The following EYA1 variants were observed in gnomAD, a reference collection of about 807,000 sequenced individuals.
EYA1 encodes the protein protein phosphatase EYA1.
A neutral mutation model predicts 82.0 loss-of-function variants in EYA1; 16 were observed. That is an observed-to-expected ratio of 0.20 (90% CI 0.13 to 0.30). The LOEUF (loss-of-function observed/expected upper bound fraction) is 0.30. Among genes scored for constraint, EYA1 ranks in the 10% least tolerant of loss-of-function variants. The pLI is 1.00. For synonymous variants in EYA1, 261 were observed against 264.4 expected (o/e 0.99, Z 0.12); for missense variants, 633 against 730.7 (o/e 0.87, Z 1.54).
At chr8:71,235,654 A>C (rs1403011317) in intron 12 of EYA1, among the ~76,000 whole-genome samples, 1 of 152,154 alleles carries the variant, frequency 6.6e-6, no homozygotes, top group African/African-American at 2.4e-5. Context: ...TAACTCCATA[A>C]GGAGAATGTC....
chr8:71,201,551 ATGT>A (rs1807018796), intron 17 of EYA1, among the ~76,000 whole-genome samples: 1 of 152,194 alleles, frequency 6.6e-6, no homozygotes, highest in Admixed American at 6.5e-5. Context: ...ACAGAAATTC[ATGT>A]TGTAAAATAT....
chr8:71,524,660 A>G (rs1043172011), intron 2 of EYA1, among the ~76,000 whole-genome samples: 16 of 152,222 alleles, frequency 1.1e-4, no homozygotes, highest in South Asian at 2.1e-4. Context: ...ATAAATTACC[A>G]TGAATTCTGG....
intron 2 of EYA1, among the ~76,000 whole-genome samples, chr8:71,387,356 G>A (rs1267021806): frequency 6.6e-6 from 1 of 152,156 alleles, no homozygotes; most frequent in African/African-American, 2.4e-5. Flanking sequence ...TTTAAGAGGA[G>A]AAGTAACATG....
intron 2 of EYA1, among the ~76,000 whole-genome samples, chr8:71,441,904 T>C (rs1806462313): frequency 6.6e-6 from 1 of 152,144 alleles, no homozygotes; most frequent in African/African-American, 2.4e-5. Flanking sequence ...ATGAGATATC[T>C]CTGTTTCTGA....
intron 2 of EYA1, among the ~76,000 whole-genome samples, chr8:71,481,672 C>A (rs1251734948): frequency 6.6e-6 from 1 of 152,092 alleles, no homozygotes; most frequent in Non-Finnish European, 1.5e-5. Context: ...AGTTAATCAA[C>A]AAGAGTTCTC....
chr8:71,261,242 G>A (rs1342889575), intron 11 of EYA1, among the ~76,000 whole-genome samples: 1 of 152,076 alleles, frequency 6.6e-6, no homozygotes, highest in Non-Finnish European at 1.5e-5. Context: ...GAGACCCAAA[G>A]GTTCCATTAT....
chr8:71,448,928 C>A, intron 2 of EYA1: 1 of 165,876 alleles, frequency 6.0e-6, no homozygotes. Flanking sequence ...TGCTAAACAT[C>A]AGTAAAGTAG....
At chr8:71,507,022 G>T (rs1051962731) in intron 2 of EYA1, among the ~76,000 whole-genome samples, 1 of 151,952 alleles carries the variant, frequency 6.6e-6, no homozygotes, top group Non-Finnish European at 1.5e-5. Context: ...CAACAGAAAA[G>T]GAATAACTGA....
intron 2 of EYA1, chr8:71,403,830 G>A (rs1830079420): frequency 6.6e-6 from 1 of 152,160 alleles, no homozygotes; most frequent in Admixed American, 6.5e-5. Flanking sequence ...GAGGGAGAAA[G>A]CCATAAAAGT....
chr8:71,406,116 A>G (rs1011144117), intron 2 of EYA1, among the ~76,000 whole-genome samples: 4 of 152,234 alleles, frequency 2.6e-5, no homozygotes, highest in African/African-American at 9.6e-5. Context: ...TTTTTTGTGT[A>G]TCAGTTATAC....
In EYA1 at chr8:71,226,446, A is replaced by G. The variant is rs1448102442; in HGVS notation, c.1141-9423T>C. ...TTCTTTACCACATGATATTAAATAT[A>G]TTTGTCACCATGAATGCCTTCTTTA... On this transcript the variant is annotated intron_variant, in intron 12 of 17. Coordinates refer to ENST00000340726, the MANE Select transcript of EYA1 (RefSeq NM_000503.6). Among the ~76,000 whole-genome samples the G allele has an allele frequency of 5.3e-5, 8 of 151,602 alleles. No homozygotes were observed. In the East Asian group the frequency reaches 1.4e-3, roughly 26 times the overall value.
chr8:71,474,604 A>G (rs1346703540), intron 2 of EYA1, among the ~76,000 whole-genome samples: 1 of 152,210 alleles, frequency 6.6e-6, no homozygotes, highest in African/African-American at 2.4e-5. Flanking sequence ...AAATAATGAC[A>G]TCATATAAAA....
At chr8:71,507,352 A>T (rs1340553581) in intron 2 of EYA1, among the ~76,000 whole-genome samples, 2 of 152,218 alleles carry the variant, frequency 1.3e-5, no homozygotes, top group African/African-American at 4.8e-5. Flanking sequence ...GAGAAATCAC[A>T]TTAAAATCAC....
intron 11 of EYA1, among the ~76,000 whole-genome samples, chr8:71,257,266 T>C (rs1374453086): frequency 6.6e-6 from 1 of 152,166 alleles, no homozygotes; most frequent in Admixed American, 6.5e-5. Context: ...TAAACAAGAT[T>C]GGCTAGGACT....
At chr8:71,376,891 G>C (rs373875100) in intron 2 of EYA1, among the ~76,000 whole-genome samples, 21 of 152,034 alleles carry the variant, frequency 1.4e-4, no homozygotes, top group East Asian at 1.2e-3. Context: ...CCCTGCCCAG[G>C]CTCCCTCCGC....
In EYA1 at chr8:71,418,192, C is replaced by T. The variant is rs545959707; in HGVS notation, c.34-61681G>A. Reference sequence around the variant, plus strand: ...TTAAAGATTCATTCTAGTTCCCCAACACTTGGTGCCGAAGTTGTAAAATTG... The same window carrying T: ...TTAAAGATTCATTCTAGTTCCCCAATACTTGGTGCCGAAGTTGTAAAATTG... On this transcript the variant is annotated intron_variant, in intron 2 of 18. Transcript: ENST00000643681. Among the ~76,000 whole-genome samples, 9 of 152,346 alleles carry T rather than the reference C, an allele frequency of 5.9e-5. No homozygotes were observed. The South Asian group carries it at 1.7e-3, about 28-fold the overall frequency.
chr8:71,479,205 C>A (rs1276145600), intron 2 of EYA1, among the ~76,000 whole-genome samples: 3 of 152,140 alleles, frequency 2.0e-5, no homozygotes, highest in African/African-American at 7.2e-5. Flanking sequence ...CATGCTCCCT[C>A]ATTTGGGCCT....
intron 2 of EYA1, among the ~76,000 whole-genome samples, chr8:71,504,540 G>C (rs891780054): frequency 2.6e-5 from 4 of 152,098 alleles, no homozygotes; most frequent in Admixed American, 2.6e-4. Flanking sequence ...CTTGTTTAGA[G>C]AAAGTGATAC....
chr8:71,462,751 G>A (rs1319928129), intron 2 of EYA1, among the ~76,000 whole-genome samples: 2 of 152,208 alleles, frequency 1.3e-5, no homozygotes, highest in African/African-American at 4.8e-5. Flanking sequence ...GAGGGTCCAG[G>A]CCTAGGGGCA....
Sources: allele counts gnomAD v4.1 joint callset (sites outside exome capture counted in the v4.1 genomes callset), GRCh38; gene constraint gnomAD v4.1.1; transcripts MANE v1.5; gene names NCBI Gene and HGNC (gene_info 2026-07-23, HGNC 2026-07-21).